The following FGGY variants were observed in gnomAD, a reference collection of about 807,000 sequenced individuals.
FGGY encodes FGGY carbohydrate kinase domain-containing protein.
A neutral mutation model predicts 71.3 loss-of-function variants in FGGY; 72 were observed. The observed-to-expected ratio is 1.01, with a 90% CI of 0.84 to 1.23. The LOEUF (loss-of-function observed/expected upper bound fraction) is 1.23. Ranked by LOEUF, FGGY falls within the 50% of genes most tolerant of loss-of-function variation. FGGY has a pLI of 0.00. For missense variants in FGGY, 668 were observed against 682.3 expected (o/e 0.98, Z 0.23); for synonymous variants, 251 against 250.3 (o/e 1.00, Z -0.02).
chr1:59,382,660 A>G (rs1409614059), intron 5 of FGGY, among the ~76,000 whole-genome samples: 2 of 152,158 alleles, frequency 1.3e-5, no homozygotes, highest in Non-Finnish European at 2.9e-5. Flanking sequence ...ATCATTGTAC[A>G]TCCGTGAAAG....
intron 8 of FGGY, among the ~76,000 whole-genome samples, chr1:59,587,844 G>A (rs1571716423): frequency 6.6e-6 from 1 of 152,140 alleles, no homozygotes; most frequent in East Asian, 1.9e-4. Context: ...ACAAAGATGG[G>A]GAAAAAACAG....
intron 14 of FGGY, among the ~76,000 whole-genome samples, chr1:59,729,257 G>A (rs945749940): frequency 3.3e-5 from 5 of 151,260 alleles, no homozygotes; most frequent in African/African-American, 4.9e-5. Context: ...TTCGTCTCTC[G>A]TTACATTGTC....
At chr1:59,751,378 C>T (rs1343757748) in intron 14 of FGGY, among the ~76,000 whole-genome samples, 2 of 152,080 alleles carry the variant, frequency 1.3e-5, no homozygotes, top group Non-Finnish European at 2.9e-5. Flanking sequence ...AACCATATAC[C>T]CCCATCAGTT....
chr1:59,616,806 G>T (rs1292740924), intron 9 of FGGY, among the ~76,000 whole-genome samples: 1 of 151,866 alleles, frequency 6.6e-6, no homozygotes, highest in African/African-American at 2.4e-5. Flanking sequence ...TCAGTTCCAA[G>T]AACTTTTCAT....
intron 5 of FGGY, among the ~76,000 whole-genome samples, chr1:59,379,816 A>G (rs1225902400): frequency 1.3e-5 from 2 of 150,830 alleles, no homozygotes; most frequent in African/African-American, 4.9e-5. Context: ...TTTTTTCATT[A>G]TACTTTAAGT....
chr1:59,298,616 C>A (rs1339252068), intron 1 of FGGY, among the ~76,000 whole-genome samples: 4 of 152,150 alleles, frequency 2.6e-5, no homozygotes, highest in Non-Finnish European at 5.9e-5. Flanking sequence ...GTTCCCTTTA[C>A]CTAACCTTTC....
intron 7 of FGGY, among the ~76,000 whole-genome samples, chr1:59,534,582 A>G (rs2095259386): frequency 6.6e-6 from 1 of 152,190 alleles, no homozygotes; most frequent in Non-Finnish European, 1.5e-5. Flanking sequence ...AGCCAGAGAG[A>G]AAGGTAGGGT....
At chr1:59,312,115 C>A (rs1191811945) in intron 1 of FGGY, among the ~76,000 whole-genome samples, 1 of 152,092 alleles carries the variant, frequency 6.6e-6, no homozygotes, top group Non-Finnish European at 1.5e-5. Flanking sequence ...TTTTGTCTTG[C>A]AAATTTGTTT....
chr1:59,320,307 G>A (rs1456963910), intron 1 of FGGY, among the ~76,000 whole-genome samples: 1 of 152,162 alleles, frequency 6.6e-6, no homozygotes, highest in Non-Finnish European at 1.5e-5. Flanking sequence ...AACATCTGCT[G>A]GTTGATTTTC....
At position 59,655,339 on chromosome 1, in the gene FGGY, C is replaced by T. The variant is rs183435145; in HGVS notation, c.1222-4880C>T. Among the ~76,000 whole-genome samples, 5 of 152,290 alleles carry T rather than the reference C, an allele frequency of 3.3e-5. No individual in the cohort carries two copies. The East Asian group carries it at 9.6e-4, about 29-fold the overall frequency. ...GGTTTGTTAAATAGGTATACATGTGCCATGGTGGTTTGCTGCACCTATCAA... is the reference window on the plus strand; with the variant it reads ...GGTTTGTTAAATAGGTATACATGTGTCATGGTGGTTTGCTGCACCTATCAA... On this transcript the variant is annotated intron_variant, in intron 11 of 15. Transcript: ENST00000303721.
chr1:59,571,847 A>G (rs1027124845), intron 8 of FGGY, among the ~76,000 whole-genome samples: 1 of 152,222 alleles, frequency 6.6e-6, no homozygotes, highest in African/African-American at 2.4e-5. Context: ...TGAAAGAGAT[A>G]CATACAGAAT....
chr1:59,655,271 G>T (rs80344459), intron 11 of FGGY, among the ~76,000 whole-genome samples: 11,893 of 152,232 alleles, frequency 0.078, 1,257 homozygotes, highest in African/African-American at 0.24. Context: ...TTTTACTTTT[G>T]TAAGTTTACT....
chr1:59,508,092 A>G (rs745521160), intron 6 of FGGY, among the ~76,000 whole-genome samples: 1 of 152,048 alleles, frequency 6.6e-6, no homozygotes, highest in Non-Finnish European at 1.5e-5. Flanking sequence ...TGAAACCACC[A>G]ATCTCCAACT....
chr1:59,312,223 G>A (rs2044476121), intron 1 of FGGY, among the ~76,000 whole-genome samples: 2 of 152,130 alleles, frequency 1.3e-5, no homozygotes, highest in African/African-American at 2.4e-5. Context: ...TCTGCTGATA[G>A]TTTCTTTTGC....
In FGGY at chr1:59,370,545, A is replaced by G. The variant is rs369533447; in HGVS notation, c.466-8204A>G. Among the ~76,000 whole-genome samples, 291 of 152,158 alleles carry G rather than the reference A, an allele frequency of 1.9e-3. 7 individuals are homozygous for G. In the East Asian group the frequency reaches 0.053, roughly 28 times the overall value. ...GGCAGGCCAACATTCAGATTCAGGA[A>G]ATACAGAGAACGCCACAAAGATACT... On this transcript the variant is annotated intron_variant, in intron 4 of 15. Coordinates refer to ENST00000303721, the MANE Select transcript of FGGY (RefSeq NM_018291.5).
At chr1:59,425,905 C>T (rs1385080048) in intron 5 of FGGY, among the ~76,000 whole-genome samples, 1 of 152,120 alleles carries the variant, frequency 6.6e-6, no homozygotes, top group Non-Finnish European at 1.5e-5. Flanking sequence ...AGTGTTTATT[C>T]CACATAATTC....
chr1:59,575,650 A>AT (rs2096064530), intron 8 of FGGY, among the ~76,000 whole-genome samples: 1 of 152,190 alleles, frequency 6.6e-6, no homozygotes, highest in African/African-American at 2.4e-5. Flanking sequence ...GTAATTTGTC[A>AT]TTTTTTTGAG....
At chr1:59,637,052 C>T (rs1270754157) in intron 10 of FGGY, among the ~76,000 whole-genome samples, 2 of 152,162 alleles carry the variant, frequency 1.3e-5, no homozygotes, top group Admixed American at 6.5e-5. Flanking sequence ...AAAGCAGCAT[C>T]TTTTAAGAGG....
At chr1:59,663,873 G>T (rs1367783893) in intron 12 of FGGY, among the ~76,000 whole-genome samples, 1 of 152,102 alleles carries the variant, frequency 6.6e-6, no homozygotes, top group Non-Finnish European at 1.5e-5. Context: ...GAATATTGCC[G>T]GAGCACTTAT....
Sources: allele counts gnomAD v4.1 joint callset (sites outside exome capture counted in the v4.1 genomes callset), GRCh38; gene constraint gnomAD v4.1.1; transcripts MANE v1.5; gene names NCBI Gene and HGNC (gene_info 2026-07-23, HGNC 2026-07-21).